NELL1: variants seen among roughly 807,000 people sequenced by gnomAD.
NELL1 encodes the protein protein kinase C-binding protein NELL1.
In NELL1, 76 loss-of-function variants were observed where a neutral mutation model predicts 107.4. The ratio of observed to expected loss-of-function variants is 0.71; its 90% confidence interval spans 0.59 to 0.86. The LOEUF is 0.86. Ranked by LOEUF, NELL1 falls within the 40% of genes least tolerant of loss-of-function variation. The pLI is 0.00. For synonymous variants in NELL1, 353 were observed against 341.2 expected (o/e 1.03, Z -0.38); for missense variants, 1,024 against 1,005.5 (o/e 1.02, Z -0.25).
At chr11:20,936,089 G>A (rs1448293191) in intron 9 of NELL1, among the ~76,000 whole-genome samples, 1 of 152,172 alleles carries the variant, frequency 6.6e-6, no homozygotes, top group African/African-American at 2.4e-5. Flanking sequence ...GAATGAGGTG[G>A]TGAAGGAAGA....
chr11:21,222,307 G>A (rs1857778144), intron 13 of NELL1, among the ~76,000 whole-genome samples: 1 of 151,808 alleles, frequency 6.6e-6, no homozygotes, highest in South Asian at 2.1e-4. Context: ...AGCCTCCCGA[G>A]TAGCTGGGAC....
rs1400458485 is a variant in NELL1 at position 21,113,685 on chromosome 11, A to C, written c.1397A>C (p.Tyr466Ser). The C allele has an allele frequency of 1.2e-6, 2 of 1,612,032 alleles. No individual in the cohort carries two copies. Among genetic ancestry groups the C allele is most frequent in the East Asian group, 4.5e-5 (2 of 44,822 alleles). ...TATCGCTGTGACTGTGTCCCAGGAT[A>C]CATTCGTGTGGATGACTTCTCTTGT... is the stretch of plus-strand genomic sequence containing the variant. ...GLYRCDCVPG[Y>S]IRVDDFSCTE... The change falls in exon 13 of 20, where the codon TAC becomes TCC. Residue 466 changes from tyrosine (Y) to serine (S), a missense_variant. By Grantham distance (144) the Tyr-to-Ser change is moderately radical. Coordinates refer to ENST00000357134, the MANE Select transcript of NELL1 (RefSeq NM_006157.5).
chr11:21,278,092 A>G (rs938803842), intron 14 of NELL1, among the ~76,000 whole-genome samples: 4 of 152,162 alleles, frequency 2.6e-5, no homozygotes, highest in African/African-American at 9.7e-5. Context: ...TCCAACACCT[A>G]TCATTGATAA....
chr11:20,699,559 C>G (rs1854717565), intron 2 of NELL1, among the ~76,000 whole-genome samples: 1 of 152,026 alleles, frequency 6.6e-6, no homozygotes, highest in African/African-American at 2.4e-5. Context: ...GGAGTTTCAC[C>G]ATATTGGCCA....
chr11:20,879,361 A>G (rs1849365799), intron 4 of NELL1, among the ~76,000 whole-genome samples: 1 of 152,202 alleles, frequency 6.6e-6, no homozygotes, highest in Non-Finnish European at 1.5e-5. Flanking sequence ...TAATATATAA[A>G]GAAAGAATGT....
At chr11:21,007,825 C>A (rs767532938) in intron 12 of NELL1, among the ~76,000 whole-genome samples, 1 of 151,998 alleles carries the variant, frequency 6.6e-6, no homozygotes, top group South Asian at 2.1e-4. Flanking sequence ...AGGTATGGCC[C>A]ACTTACATAA....
At chr11:20,926,183 G>A (rs1202656555) in intron 7 of NELL1, among the ~76,000 whole-genome samples, 2 of 152,186 alleles carry the variant, frequency 1.3e-5, no homozygotes, top group African/African-American at 2.4e-5. Context: ...TCACTACTAG[G>A]TTGAGTTACT....
intron 2 of NELL1, among the ~76,000 whole-genome samples, chr11:20,774,340 C>T (rs1332660486): frequency 2.8e-5 from 4 of 143,790 alleles, no homozygotes; most frequent in Admixed American, 1.4e-4. Flanking sequence ...CTTTCCTTCT[C>T]TCCTCTCTCT....
chr11:21,483,990 C>CAT (rs781565679), intron 15 of NELL1, among the ~76,000 whole-genome samples: 5,619 of 87,180 alleles, frequency 0.064, 266 homozygotes, highest in African/African-American at 0.073. Flanking sequence ...TTTTACTTAA[C>CAT]ATATATATAT....
chr11:20,836,896 A>G (rs1032678087), intron 3 of NELL1, among the ~76,000 whole-genome samples: 15 of 152,168 alleles, frequency 9.9e-5, no homozygotes, highest in African/African-American at 3.6e-4. Flanking sequence ...GACACTATGC[A>G]TATGTCAAAA....
chr11:21,246,845 A>G (rs1858505387), intron 14 of NELL1, among the ~76,000 whole-genome samples: 1 of 152,166 alleles, frequency 6.6e-6, no homozygotes, highest in South Asian at 2.1e-4. Flanking sequence ...CATGGTGGCA[A>G]GCCAGAGAGG....
intron 3 of NELL1, among the ~76,000 whole-genome samples, chr11:20,800,452 A>G (rs574350522): frequency 6.6e-6 from 1 of 152,110 alleles, no homozygotes; most frequent in Admixed American, 6.6e-5. Flanking sequence ...ATTATTAGTG[A>G]TGTTGACTTT....
At chr11:21,526,875 G>A (rs1855867918) in intron 15 of NELL1, among the ~76,000 whole-genome samples, 1 of 152,226 alleles carries the variant, frequency 6.6e-6, no homozygotes, top group Non-Finnish European at 1.5e-5. Context: ...CCAGGCCTGT[G>A]ATGGGAGGAG....
chr11:20,945,411 C>T (rs973884052), intron 10 of NELL1, among the ~76,000 whole-genome samples: 8 of 152,312 alleles, frequency 5.3e-5, no homozygotes, highest in Non-Finnish European at 7.4e-5. Context: ...ATGTAACTTC[C>T]GGCTCTCTGC....
chr11:20,865,548 G>A (rs1849080345), intron 4 of NELL1, among the ~76,000 whole-genome samples: 1 of 109,200 alleles, frequency 9.2e-6, no homozygotes, highest in African/African-American at 2.8e-5. Context: ...GGGCTTCTTT[G>A]CCATCTGGAT....
At chr11:20,705,292 G>A (rs754385152) in intron 2 of NELL1, among the ~76,000 whole-genome samples, 6 of 152,120 alleles carry the variant, frequency 3.9e-5, no homozygotes, top group Non-Finnish European at 8.8e-5. Context: ...AACCAAAACA[G>A]CATGGTACTG....
At chr11:21,291,711 C>T (rs925254115) in intron 14 of NELL1, among the ~76,000 whole-genome samples, 2 of 152,072 alleles carry the variant, frequency 1.3e-5, no homozygotes, top group Non-Finnish European at 2.9e-5. Flanking sequence ...AGCAGCACAT[C>T]AAAAAGTTTA....
In NELL1 at chr11:20,847,588, T is replaced by G; in HGVS notation, c.341T>G (p.Phe114Cys). ...GTTTGTTCCTTTACATACAGCTATT[T>G]TGAACTGGAGAGCAGTGGCCTGAGG... is the stretch of plus-strand genomic sequence containing the variant. ...LSIRELEHSY[F>C]ELESSGLRDE... The change falls in exon 4 of 20, where the codon TTT (phenylalanine) becomes TGT (cysteine). Residue 114 changes from phenylalanine to cysteine, a missense_variant. Transcript: ENST00000357134. 4 of 1,612,116 alleles carry G rather than the reference T, an allele frequency of 2.5e-6. No individual in the cohort carries two copies. In the South Asian group the frequency reaches 4.4e-5, roughly 18 times the overall value.
chr11:21,411,529 A>G (rs549946547), intron 15 of NELL1, among the ~76,000 whole-genome samples: 202 of 152,154 alleles, frequency 1.3e-3, no homozygotes, highest in African/African-American at 4.6e-3. Context: ...TGTGTGAAAA[A>G]GTTATTTGAG....
Sources: gnomAD v4.1 joint callset for allele counts (sites outside exome capture counted in the v4.1 genomes callset) on GRCh38, gnomAD v4.1.1 for gene constraint, MANE v1.5 for transcripts, NCBI Gene and HGNC (gene_info 2026-07-23, HGNC 2026-07-21) for gene names.